The following STK32B variants were observed in gnomAD, a reference collection of about 807,000 sequenced individuals.
STK32B encodes the protein serine/threonine kinase 32B, also known as serine/threonine-protein kinase 32B.
A neutral mutation model predicts 52.6 loss-of-function variants in STK32B; 43 were observed. The observed-to-expected ratio is 0.82, with a 90% confidence interval of 0.64 to 1.05. The LOEUF (loss-of-function observed/expected upper bound fraction) is 1.05, where lower values mean the gene tolerates loss of function less well. Ranked by LOEUF, STK32B falls within the 50% of genes least tolerant of loss-of-function variation. The pLI is 0.00. For missense variants in STK32B, 621 were observed against 534.6 expected (o/e 1.16, Z -1.59); for synonymous variants, 238 against 204.3 (o/e 1.17, Z -1.41).
chr4:5,485,592 A>C (rs889440131), intron 11 of STK32B, among the ~76,000 whole-genome samples: 1 of 152,094 alleles, frequency 6.6e-6, no homozygotes, highest in Non-Finnish European at 1.5e-5. Flanking sequence ...CAACTTGTCA[A>C]AGTCATTCTC....
intron 3 of STK32B, among the ~76,000 whole-genome samples, chr4:5,173,647 G>C (rs1719577891): frequency 6.6e-6 from 1 of 152,202 alleles, no homozygotes; most frequent in Admixed American, 6.5e-5. Flanking sequence ...GTTCTAGTTT[G>C]ATTGCACTGT....
chr4:5,362,154 C>T (rs369551353), intron 4 of STK32B, among the ~76,000 whole-genome samples: 8 of 152,176 alleles, frequency 5.3e-5, no homozygotes, highest in Admixed American at 2.6e-4. Context: ...ATGTTGGGAG[C>T]GAGGAACTCT....
At chr4:5,140,043 A>C in intron 2 of STK32B, 83 bp downstream of exon 2, 1 of 1,560,258 alleles carries the variant, frequency 6.4e-7, no homozygotes, top group Admixed American at 1.7e-5. Flanking sequence ...GGGCACTGGG[A>C]ATGTTCTGTT....
the STK32B span, among the ~76,000 whole-genome samples, chr4:5,023,793 G>A: frequency 9.9e-5 from 15 of 152,030 alleles, no homozygotes. Context: ...ATTCAATCTT[G>A]CTCCTCCTTG....
intron 1 of STK32B, among the ~76,000 whole-genome samples, chr4:5,105,988 T>C (rs1714086147): frequency 6.6e-6 from 1 of 152,110 alleles, no homozygotes; most frequent in Non-Finnish European, 1.5e-5. Flanking sequence ...TTGCCCATAA[T>C]GTTGAGTAGC....
intron 3 of STK32B, among the ~76,000 whole-genome samples, chr4:5,257,279 G>A (rs60708730): frequency 6.6e-6 from 1 of 151,780 alleles, no homozygotes; most frequent in Non-Finnish European, 1.5e-5. Flanking sequence ...GATGAAGTGA[G>A]TGAGTAAATG....
At chr4:5,159,576 AAT>A (rs371756619) in intron 2 of STK32B, among the ~76,000 whole-genome samples, 22,618 of 57,656 alleles carry the variant, frequency 0.39, 5,587 homozygotes, top group East Asian at 0.43. Context: ...AATATATATG[AAT>A]ATATATATGA....
At chr4:5,317,046 T>C (rs1426007792) in intron 3 of STK32B, among the ~76,000 whole-genome samples, 2 of 33,600 alleles carry the variant, frequency 6.0e-5, no homozygotes, top group South Asian at 2.9e-3. Flanking sequence ...ATATATTATA[T>C]ATATAATATA....
chr4:5,376,076 C>A (rs1735567239), intron 4 of STK32B, among the ~76,000 whole-genome samples: 1 of 152,192 alleles, frequency 6.6e-6, no homozygotes, highest in Admixed American at 6.5e-5. Context: ...CACACCCCAT[C>A]TTCAGTGGTC....
intron 11 of STK32B, among the ~76,000 whole-genome samples, chr4:5,489,039 TTTAA>T (rs146316401): frequency 0.024 from 3,660 of 152,252 alleles, 73 homozygotes; most frequent in Non-Finnish European, 0.037. Flanking sequence ...ACTCAAGATC[TTTAA>T]TTGTCTGTCA....
intron 1 of STK32B, among the ~76,000 whole-genome samples, chr4:5,091,510 C>G (rs1313882786): frequency 2.0e-5 from 3 of 151,984 alleles, no homozygotes; most frequent in Admixed American, 6.6e-5. Flanking sequence ...AAATGTAAAT[C>G]AAACCCACAA....
At chr4:5,057,168 C>G (rs1056646309) in intron 1 of STK32B, among the ~76,000 whole-genome samples, 5 of 152,200 alleles carry the variant, frequency 3.3e-5, no homozygotes, top group African/African-American at 1.2e-4. Flanking sequence ...CAATTTCTTG[C>G]ATTCCTTTGG....
rs959700458 is a variant in STK32B, at chr4:5,383,206, G to C, written c.435-15001G>C. ...AGGGTGCGTATTTTTCAGCTGATCT[G>C]TGCCCACCGCGCCAGCTTGTCTGAC... is the stretch of plus-strand genomic sequence containing the variant. On this transcript the variant is annotated intron_variant, in intron 4 of 11. Transcript: ENST00000282908. 3.3e-5 allele frequency among the ~76,000 whole-genome samples: 5 copies of C among 152,148 alleles called. No individual in the cohort carries two copies. The East Asian group carries it at 9.7e-4, about 30-fold the overall frequency.
At chr4:5,491,250 T>G (rs981893782) in intron 11 of STK32B, among the ~76,000 whole-genome samples, 4 of 152,220 alleles carry the variant, frequency 2.6e-5, no homozygotes, top group Non-Finnish European at 5.9e-5. Context: ...TTCCTGACTT[T>G]TTAATGATTG....
At chr4:5,179,922 C>T (rs532390967) in intron 3 of STK32B, among the ~76,000 whole-genome samples, 1 of 152,334 alleles carries the variant, frequency 6.6e-6, no homozygotes, top group East Asian at 1.9e-4. Context: ...ACAGCCCCAG[C>T]AGAGGCTGAG....
At chr4:5,065,728 AT>A (rs928993069) in intron 1 of STK32B, among the ~76,000 whole-genome samples, 8 of 152,044 alleles carry the variant, frequency 5.3e-5, no homozygotes, top group Middle Eastern at 6.8e-3. Flanking sequence ...TGACTCAGTA[AT>A]TTTTTTTGTT....
chr4:5,299,325 G>A (rs894129210), intron 3 of STK32B, among the ~76,000 whole-genome samples: 25 of 152,078 alleles, frequency 1.6e-4, no homozygotes, highest in Non-Finnish European at 3.2e-4. Context: ...GAAGCACAAA[G>A]GAATTTCCTT....
intron 2 of STK32B, among the ~76,000 whole-genome samples, chr4:5,167,677 C>T (rs964049378): frequency 3.3e-5 from 5 of 152,264 alleles, no homozygotes; most frequent in Non-Finnish European, 1.5e-5. Flanking sequence ...GCATCAGCCT[C>T]ATCCCAGGTG....
Position 5,456,788 on chromosome 4 carries a change from T to A in STK32B, c.667-19T>A, listed in dbSNP as rs201523176. On this transcript the variant is annotated intron_variant, in intron 7 of 11. Coordinates refer to ENST00000282908, the MANE Select transcript of STK32B (RefSeq NM_018401.3). ...CAATGGCTCTCTCTCTGATTCTGGC[T>A]GTTGTTCTTTGATTGCAGAGGCCGT... 4 of 1,552,074 alleles carry A rather than the reference T, an allele frequency of 2.6e-6. No individual in the cohort carries two copies.
Sources: gnomAD v4.1 joint callset for allele counts (sites outside exome capture counted in the v4.1 genomes callset) on GRCh38, gnomAD v4.1.1 for gene constraint, MANE v1.5 for transcripts, NCBI Gene and HGNC (gene_info 2026-07-23, HGNC 2026-07-21) for gene names.